The following SLIT3 variants were observed in gnomAD, a reference collection of about 807,000 sequenced individuals.
SLIT3 encodes slit homolog 3 protein.
In SLIT3, 68 loss-of-function variants were observed where a neutral mutation model predicts 184.0. That is an observed-to-expected ratio of 0.37 (90% CI 0.30 to 0.45). The LOEUF (loss-of-function observed/expected upper bound fraction) is 0.45. Ranked by LOEUF, SLIT3 falls within the 20% of genes least tolerant of loss-of-function variation. The pLI, the probability that SLIT3 is intolerant of heterozygous loss-of-function variation, is 1.00. For missense variants in SLIT3, 1,707 were observed against 2,026.0 expected (o/e 0.84, Z 3.02); for synonymous variants, 831 against 828.6 (o/e 1.00, Z -0.05).
rs114296585 is a variant in SLIT3, at chr5:168,820,100, G to A, written c.630-2637C>T. ...ATAGTAAAAGAAAAATAATCATAAT[G>A]GCATGAAATTAGAGCTTAGGCACTG... On this transcript the variant is annotated intron_variant, in intron 7 of 35. Transcript: ENST00000519560. Among the ~76,000 whole-genome samples the A allele has an allele frequency of 2.0e-3, 301 of 152,262 alleles. 5 individuals carry two copies. The highest frequency in any genetic ancestry group is 6.9e-3 in the African/African-American group (286 of 41,554).
chr5:168,809,887 G>A (rs975045631), intron 8 of SLIT3, among the ~76,000 whole-genome samples: 1 of 152,218 alleles, frequency 6.6e-6, no homozygotes, highest in Non-Finnish European at 1.5e-5. Context: ...CCTCTGGTAG[G>A]TAGGATGAGC....
At position 168,686,864 on chromosome 5, in the gene SLIT3, C is replaced by G. The variant is rs1211370763; in HGVS notation, c.3314+115G>C. ...AGGGGAATAAAGGCATCACCCAGAA[C>G]CGGGGCTACAGCCACCTGGGCCTGA... is the stretch of plus-strand genomic sequence containing the variant. On this transcript the variant is annotated intron_variant, in intron 30 of 35. Coordinates refer to ENST00000519560, the MANE Select transcript of SLIT3 (RefSeq NM_003062.4). The G allele has an allele frequency of 2.4e-6, 3 of 1,263,180 alleles. No individual in the cohort carries two copies. In the African/African-American group the frequency reaches 4.4e-5, roughly 19 times the overall value. The allele number at this position is 1,263,180 out of a possible 1,614,324, so 78.2% of individuals were successfully genotyped here. A position where few individuals can be genotyped will look rare whatever the true frequency, so the allele number is the denominator to read the frequency against.
chr5:168,834,218 C>A (rs1455577312), intron 6 of SLIT3, among the ~76,000 whole-genome samples: 1 of 152,138 alleles, frequency 6.6e-6, no homozygotes, highest in Non-Finnish European at 1.5e-5. Context: ...GAGTGATTTT[C>A]TTACCCAGTT....
chr5:168,686,513 A>G (rs574039934), intron 30 of SLIT3, among the ~76,000 whole-genome samples: 30 of 152,354 alleles, frequency 2.0e-4, no homozygotes, highest in African/African-American at 7.0e-4. Flanking sequence ...GTCCATTTAT[A>G]TAAAGCATCT....
chr5:169,247,851 T>G (rs1765649198), intron 2 of SLIT3, among the ~76,000 whole-genome samples: 1 of 152,090 alleles, frequency 6.6e-6, no homozygotes. Context: ...CTTGAACTCC[T>G]GAGCTCAAGC....
In SLIT3 at chr5:168,919,152, C is replaced by T. The variant is rs536431312; in HGVS notation, c.414-35816G>A. Among the ~76,000 whole-genome samples, 13 of 150,980 alleles carry T rather than the reference C, an allele frequency of 8.6e-5. 1 individual carries two copies. Among genetic ancestry groups the T allele is most frequent in the Middle Eastern group, 7.0e-3 (2 of 286 alleles). ...GCGGGTGCCTGTAGTCCCAGCTACT[C>T]GAGAGGCTGAGGCAAGAGAATGGCG... On this transcript the variant is annotated intron_variant, in intron 4 of 35. Transcript: ENST00000519560.
intron 14 of SLIT3, chr5:168,772,253 TA>T (rs34548074): frequency 0.5 from 77,255 of 153,610 alleles, 20,009 homozygotes; most frequent in East Asian, 0.69. Flanking sequence ...ATGGAGGAGC[TA>T]AGCTAGTGAA....
At chr5:169,011,238 C>G (rs1435058480) in intron 4 of SLIT3, among the ~76,000 whole-genome samples, 2 of 152,146 alleles carry the variant, frequency 1.3e-5, no homozygotes, top group Non-Finnish European at 2.9e-5. Context: ...CTCTTAGAAG[C>G]CTTTGTGAAC....
chr5:168,751,099 T>G, intron 18 of SLIT3, among the ~76,000 whole-genome samples: 1 of 151,388 alleles, frequency 6.6e-6, no homozygotes, highest in African/African-American at 2.4e-5. Context: ...AGTTCCAAGG[T>G]TGGAGTGGGC....
In SLIT3 at chr5:168,671,460, A is replaced by G; in HGVS notation, c.3865T>C (p.Ser1289Pro). ...LGGIPTSTGL[S>P]ALRQGTDRPL... ...CGGTCCGTGCCCTGGCGCAAGGCAGAGAGGCCGGTGGAGGTGGGGATGCCT... is the reference window on the plus strand; with the variant it reads ...CGGTCCGTGCCCTGGCGCAAGGCAGGGAGGCCGGTGGAGGTGGGGATGCCT... Residue 1289 changes from serine to proline, a missense_variant, in exon 34 of 36, where the codon TCT becomes CCT. By Grantham distance (74) the Ser-to-Pro change is moderately conservative (BLOSUM62 -1). Transcript: ENST00000519560. 6.2e-7 allele frequency: 1 copy of G among 1,612,068 alleles called. No homozygotes were observed. The highest frequency in any genetic ancestry group is 8.5e-7 in the Non-Finnish European group (1 of 1,179,362).
rs530977840 is a variant in SLIT3 at position 169,189,906 on chromosome 5, T to A, written c.413+3573A>T. 1.9e-3 allele frequency among the ~76,000 whole-genome samples: 289 copies of A among 152,276 alleles called. 2 individuals are homozygous for A. Among genetic ancestry groups the A allele is most frequent in the South Asian group, 8.9e-3 (43 of 4,820 alleles). ...GCACTCAACGTGTTTACTAGCGCTA[T>A]TATCTATCTAAAAGTGCTATTGTAA... On this transcript the variant is annotated intron_variant, in intron 4 of 35. Transcript: ENST00000519560.
intron 4 of SLIT3, among the ~76,000 whole-genome samples, chr5:168,932,657 C>G (rs573790240): frequency 6.8e-4 from 104 of 152,322 alleles, no homozygotes; most frequent in African/African-American, 2.4e-3. Context: ...GGACTGCGGT[C>G]AGATCCCAGC....
chr5:168,783,525 C>T (rs565717908), intron 12 of SLIT3, among the ~76,000 whole-genome samples: 12 of 152,152 alleles, frequency 7.9e-5, no homozygotes, highest in African/African-American at 2.2e-4. Context: ...AGGGCCACTT[C>T]GTGTGGCAGA....
chr5:168,964,971 C>T (rs1391752327), intron 4 of SLIT3, among the ~76,000 whole-genome samples: 6 of 152,164 alleles, frequency 3.9e-5, no homozygotes, highest in Non-Finnish European at 7.4e-5. Flanking sequence ...AGAACCAAGA[C>T]TAGGGAGACG....
chr5:169,027,419 C>T (rs1433106242), intron 4 of SLIT3, among the ~76,000 whole-genome samples: 1 of 152,146 alleles, frequency 6.6e-6, no homozygotes, highest in African/African-American at 2.4e-5. Flanking sequence ...AATTAAATGG[C>T]ACTCATTTTC....
intron 4 of SLIT3, among the ~76,000 whole-genome samples, chr5:168,913,179 C>G (rs944735012): frequency 6.7e-6 from 1 of 148,678 alleles, no homozygotes; most frequent in Non-Finnish European, 1.5e-5. Context: ...GCAGTTTTTG[C>G]CATTACTTCC....
intron 4 of SLIT3, among the ~76,000 whole-genome samples, chr5:169,129,467 T>G: frequency 6.6e-6 from 1 of 151,864 alleles, no homozygotes; most frequent in East Asian, 1.9e-4. Flanking sequence ...CAGGAGAATC[T>G]CTTGAACCCG....
intron 4 of SLIT3, among the ~76,000 whole-genome samples, chr5:169,124,274 A>T (rs539269968): frequency 2.0e-4 from 31 of 152,144 alleles, no homozygotes; most frequent in Non-Finnish European, 3.5e-4. Flanking sequence ...AATAAACTTT[A>T]TTTTGTATCT....
chr5:168,779,612 C>T (rs1409600821), intron 12 of SLIT3, among the ~76,000 whole-genome samples: 3 of 152,208 alleles, frequency 2.0e-5, no homozygotes, highest in African/African-American at 7.2e-5. Context: ...AGAGCTCTTG[C>T]TTTCTGGGAG....
Sources: gnomAD v4.1 joint callset for allele counts (sites outside exome capture counted in the v4.1 genomes callset) on GRCh38, gnomAD v4.1.1 for gene constraint, MANE v1.5 for transcripts, NCBI Gene and HGNC (gene_info 2026-07-23, HGNC 2026-07-21) for gene names.